Variants in RALYL observed in about 807,000 individuals in gnomAD.
The protein encoded by RALYL is RNA-binding Raly-like protein.
RALYL carries 29 observed loss-of-function variants against 35.1 expected under a neutral mutation model. That is an observed-to-expected ratio of 0.83 (90% CI 0.61 to 1.13). The LOEUF is 1.13. Among genes scored for constraint, RALYL ranks in the 50% most tolerant of loss-of-function variants. RALYL has a pLI of 0.00. For missense variants in RALYL, 359 were observed against 360.4 expected (o/e 1.00, Z 0.03); for synonymous variants, 120 against 127.6 (o/e 0.94, Z 0.40).
intron 4 of RALYL, among the ~76,000 whole-genome samples, chr8:84,837,930 G>A (rs528384595): frequency 1.3e-5 from 2 of 152,314 alleles, no homozygotes; most frequent in Admixed American, 6.5e-5. Context: ...TTCCTTGGTT[G>A]AGTTTCATCC....
At chr8:84,565,254 A>G (rs1320820604) in intron 2 of RALYL, among the ~76,000 whole-genome samples, 1 of 151,612 alleles carries the variant, frequency 6.6e-6, no homozygotes, top group Non-Finnish European at 1.5e-5. Context: ...TTATAAATTT[A>G]CCAAACTATG....
At chr8:84,407,419 G>C (rs1447137087) in intron 1 of RALYL, among the ~76,000 whole-genome samples, 1 of 152,154 alleles carries the variant, frequency 6.6e-6, no homozygotes, top group Non-Finnish European at 1.5e-5. Flanking sequence ...TAGAGACAAT[G>C]AGTGAATGAA....
intron 2 of RALYL, among the ~76,000 whole-genome samples, chr8:84,677,344 T>A (rs1834424405): frequency 6.6e-6 from 1 of 152,216 alleles, no homozygotes; most frequent in African/African-American, 2.4e-5. Flanking sequence ...TATTTTCATA[T>A]AGCAGTAAGT....
At chr8:84,907,339 C>CAT (rs1846700470) in intron 8 of RALYL, among the ~76,000 whole-genome samples, 1 of 151,016 alleles carries the variant, frequency 6.6e-6, no homozygotes, top group African/African-American at 2.5e-5. Context: ...CACACACACA[C>CAT]ACACACACAC....
chr8:84,293,398 G>A (rs1367209425), intron 1 of RALYL, among the ~76,000 whole-genome samples: 2 of 151,948 alleles, frequency 1.3e-5, no homozygotes, highest in African/African-American at 4.8e-5. Flanking sequence ...ATTCATGTTG[G>A]TTTCCATCCT....
At chr8:84,586,431 A>G (rs1340230569) in intron 2 of RALYL, among the ~76,000 whole-genome samples, 1 of 152,206 alleles carries the variant, frequency 6.6e-6, no homozygotes, top group Non-Finnish European at 1.5e-5. Context: ...AGGCACATCA[A>G]GGCTTAAACT....
chr8:84,490,417 G>A (rs1286343682), intron 1 of RALYL, among the ~76,000 whole-genome samples: 2 of 151,948 alleles, frequency 1.3e-5, no homozygotes, highest in African/African-American at 4.8e-5. Flanking sequence ...CAGAAGAAAA[G>A]ATTGAAGGTT....
chr8:84,609,573 G>T (rs954796327), intron 2 of RALYL, among the ~76,000 whole-genome samples: 1 of 152,234 alleles, frequency 6.6e-6, no homozygotes, highest in South Asian at 2.1e-4. Context: ...TATAACCAGT[G>T]CCTAGTTCAA....
At chr8:84,251,872 G>C (rs993420578) in intron 1 of RALYL, among the ~76,000 whole-genome samples, 1 of 151,502 alleles carries the variant, frequency 6.6e-6, no homozygotes, top group East Asian at 1.9e-4. Flanking sequence ...ATGATTGGGG[G>C]GAAGTTTTAG....
At chr8:84,709,100 G>C (rs1841714640) in intron 2 of RALYL, among the ~76,000 whole-genome samples, 1 of 152,068 alleles carries the variant, frequency 6.6e-6, no homozygotes, top group Non-Finnish European at 1.5e-5. Context: ...AGTCATCATA[G>C]CCCTCTTCTT....
At chr8:84,557,431 A>C (rs148814948) in intron 2 of RALYL, among the ~76,000 whole-genome samples, 54 of 152,350 alleles carry the variant, frequency 3.5e-4, no homozygotes, top group Admixed American at 5.2e-4. Context: ...AAGCAGAGGG[A>C]AACAGTGACA....
chr8:84,708,048 C>T (rs1434204142), intron 2 of RALYL, among the ~76,000 whole-genome samples: 1 of 152,072 alleles, frequency 6.6e-6, no homozygotes, highest in East Asian at 1.9e-4. Flanking sequence ...AGTCTTCTTA[C>T]AATTTTCTTT....
intron 1 of RALYL, among the ~76,000 whole-genome samples, chr8:84,238,686 GCCCTT>G (rs1454334749): frequency 6.6e-6 from 1 of 152,142 alleles, no homozygotes; most frequent in Non-Finnish European, 1.5e-5. Flanking sequence ...GAAAAGTCAA[GCCCTT>G]TGAAGGCTGT....
rs11369940 is a variant in RALYL at position 84,184,345 on chromosome 8, G to GAA, written c.-93_-92dup. 0.045 allele frequency: 6,700 copies of GAA among 148,290 alleles called. 453 individuals are homozygous for GAA. The highest frequency in any genetic ancestry group is 0.15 in the African/African-American group (5,935 of 40,368). The allele number at this position is 148,290 out of a possible 1,614,324, so 9.2% of individuals were successfully genotyped here. A position where few individuals can be genotyped will look rare whatever the true frequency, so the allele number is the denominator to read the frequency against. ...ATGATGGCAGTGGAAGGTTTTTCTG[G>GAA]AAAAAAAAAAATGAAGTGCGGTTTG... On this transcript the variant is annotated 5_prime_UTR_variant, in exon 1 of 9. It adds an upstream start codon to the 5' untranslated region. Coordinates refer to ENST00000521268, the MANE Select transcript of RALYL (RefSeq NM_173848.7).
chr8:84,542,138 T>G (rs1327294966), intron 2 of RALYL, among the ~76,000 whole-genome samples: 1 of 152,106 alleles, frequency 6.6e-6, no homozygotes, highest in Admixed American at 6.6e-5. Flanking sequence ...AATGTTTCTT[T>G]TATTGTTTTG....
intron 1 of RALYL, among the ~76,000 whole-genome samples, chr8:84,218,941 C>G (rs1232904510): frequency 6.6e-6 from 1 of 152,072 alleles, no homozygotes; most frequent in African/African-American, 2.4e-5. Flanking sequence ...CTTTTAAACT[C>G]TTCCAAAGAC....
rs1296000504 is a variant in RALYL, at chr8:84,272,858, T to C, written c.-24+88434T>C. Among the ~76,000 whole-genome samples the C allele has an allele frequency of 2.0e-5, 3 of 152,292 alleles. No individual in the cohort carries two copies. In the East Asian group the frequency reaches 5.8e-4, roughly 29 times the overall value. On this transcript the variant is annotated intron_variant, in intron 1 of 8. Transcript: ENST00000521268. Reference sequence around the variant, plus strand: ...AACCAGGATACAATAGGATGGTTTCTTCATTCCACAGCAAGGATAGTGTTT... The same window carrying C: ...AACCAGGATACAATAGGATGGTTTCCTCATTCCACAGCAAGGATAGTGTTT...
chr8:84,619,241 AG>A (rs1820651592), intron 2 of RALYL, among the ~76,000 whole-genome samples: 2 of 151,702 alleles, frequency 1.3e-5, no homozygotes, highest in Non-Finnish European at 2.9e-5. Context: ...GTCTCTTTGT[AG>A]GTCACTCAGG....
chr8:84,709,507 T>C (rs1841793898), intron 2 of RALYL, among the ~76,000 whole-genome samples: 1 of 152,128 alleles, frequency 6.6e-6, no homozygotes, highest in Non-Finnish European at 1.5e-5. Context: ...CAAATGTATT[T>C]AAAAGGTGGT....
Sources: allele counts gnomAD v4.1 joint callset (sites outside exome capture counted in the v4.1 genomes callset), GRCh38; gene constraint gnomAD v4.1.1; transcripts MANE v1.5; gene names NCBI Gene and HGNC (gene_info 2026-07-23, HGNC 2026-07-21).